PPARGC1A: variants seen among roughly 807,000 people sequenced by gnomAD.
The protein encoded by PPARGC1A is peroxisome proliferator-activated receptor gamma coactivator 1-alpha.
PPARGC1A carries 25 observed loss-of-function variants against 88.7 expected under a neutral mutation model. The ratio of observed to expected loss-of-function variants is 0.28; its 90% CI spans 0.21 to 0.39. The LOEUF is 0.39. Among genes scored for constraint, PPARGC1A ranks in the 10% least tolerant of loss-of-function variants. PPARGC1A has a pLI of 1.00. For synonymous variants in PPARGC1A, 363 were observed against 355.6 expected, an observed-to-expected ratio of 1.02 and a Z score of -0.24; for missense variants, 880 against 968.7, an observed-to-expected ratio of 0.91 and a Z score of 1.22.
At chr4:24,105,741 G>C in the PPARGC1A span, among the ~76,000 whole-genome samples, 1 of 152,188 alleles carries the variant, frequency 6.6e-6, no homozygotes, top group Non-Finnish European at 1.5e-5. Context: ...TGAAAGAAGA[G>C]TGATATCCAA....
At chr4:24,121,760 T>C in the PPARGC1A span, among the ~76,000 whole-genome samples, 1 of 152,178 alleles carries the variant, frequency 6.6e-6, no homozygotes, top group Non-Finnish European at 1.5e-5. Flanking sequence ...GTTTGAAACA[T>C]CATATTTTCA....
intron 2 of PPARGC1A, among the ~76,000 whole-genome samples, chr4:23,852,508 T>C (rs1426397747): frequency 6.6e-6 from 1 of 152,090 alleles, no homozygotes; most frequent in African/African-American, 2.4e-5. Context: ...CTCATTCTCT[T>C]TCCTGCCTAC....
the PPARGC1A span, among the ~76,000 whole-genome samples, chr4:24,242,438 G>A: frequency 6.6e-6 from 1 of 152,126 alleles, no homozygotes; most frequent in Non-Finnish European, 1.5e-5. Context: ...TTTCCTACCT[G>A]GAACACCTTC....
At chr4:23,935,024 G>A in the PPARGC1A span, among the ~76,000 whole-genome samples, 246 of 152,266 alleles carry the variant, frequency 1.6e-3, 2 homozygotes, top group African/African-American at 5.7e-3. Context: ...AACCAAGCTC[G>A]AGGTTCTGCT....
Position 23,848,972 on chromosome 4 carries a change from T to C in PPARGC1A, c.235-17221A>G, listed in dbSNP as rs1013357035. Among the ~76,000 whole-genome samples, 4 of 152,108 alleles carry C rather than the reference T, an allele frequency of 2.6e-5. 1 individual carries two copies. The East Asian group carries it at 7.8e-4, about 30-fold the overall frequency. ...TCCTGGCTAACACGGTGAAACCCCA[T>C]CTCTACTGAAAATACAAAAAATTTA... is the stretch of plus-strand genomic sequence containing the variant. On this transcript the variant is annotated intron_variant, in intron 2 of 12. Coordinates refer to ENST00000264867, the MANE Select transcript of PPARGC1A (RefSeq NM_013261.5).
chr4:24,375,002 AC>A, the PPARGC1A span, among the ~76,000 whole-genome samples: 1 of 124,532 alleles, frequency 8.0e-6, no homozygotes, highest in African/African-American at 3.2e-5. Context: ...ACATCCACCA[AC>A]CCCCCACCCT....
chr4:24,001,465 G>C, the PPARGC1A span, among the ~76,000 whole-genome samples: 1 of 152,022 alleles, frequency 6.6e-6, no homozygotes, highest in Non-Finnish European at 1.5e-5. Flanking sequence ...TTTTTTAAGT[G>C]AGAACGTCTT....
At chr4:24,315,323 G>C in the PPARGC1A span, among the ~76,000 whole-genome samples, 72 of 152,254 alleles carry the variant, frequency 4.7e-4, no homozygotes, top group African/African-American at 1.6e-3. Flanking sequence ...GTGAGGCATG[G>C]GGAAGTCATA....
At chr4:24,245,155 A>G in the PPARGC1A span, among the ~76,000 whole-genome samples, 2 of 152,236 alleles carry the variant, frequency 1.3e-5, no homozygotes, top group African/African-American at 2.4e-5. Context: ...TTGTGTCTTC[A>G]TGAATAACGC....
chr4:24,318,066 G>A, the PPARGC1A span, among the ~76,000 whole-genome samples: 1 of 152,138 alleles, frequency 6.6e-6, no homozygotes, highest in Non-Finnish European at 1.5e-5. Flanking sequence ...TTCTCCACAT[G>A]GGAAGCTAAA....
chr4:24,459,050 T>C, the PPARGC1A span, among the ~76,000 whole-genome samples: 3 of 152,172 alleles, frequency 2.0e-5, no homozygotes, highest in Non-Finnish European at 4.4e-5. Context: ...AACAAAAATA[T>C]ATATCTACAA....
chr4:24,297,154 C>T, the PPARGC1A span, among the ~76,000 whole-genome samples: 1 of 152,164 alleles, frequency 6.6e-6, no homozygotes, highest in Non-Finnish European at 1.5e-5. Context: ...GGTATCAAAT[C>T]AAGGCTTCTA....
At chr4:24,211,820 A>G in the PPARGC1A span, among the ~76,000 whole-genome samples, 1 of 152,242 alleles carries the variant, frequency 6.6e-6, no homozygotes, top group Non-Finnish European at 1.5e-5. Flanking sequence ...AATAATAAGT[A>G]TATGGCTGTA....
chr4:24,437,649 T>G, the PPARGC1A span, among the ~76,000 whole-genome samples: 2 of 150,984 alleles, frequency 1.3e-5, no homozygotes, highest in East Asian at 2.0e-4. Context: ...TTAGTTTTGG[T>G]TTTTTGGGGG....
rs761583243 is a variant in PPARGC1A at position 23,828,470 on chromosome 4, T to A, written c.687A>T (p.Arg229Ser). 1.1e-5 allele frequency: 17 copies of A among 1,614,136 alleles called. No individual in the cohort carries two copies. Among genetic ancestry groups the A allele is most frequent in the Non-Finnish European group, 1.1e-5 (13 of 1,179,988 alleles). ...DPPHTKPTEN[R>S]NSSRDKCTSK... Reference sequence around the variant, plus strand: ...AGGTGCATTTGTCTCTGCTGCTGTTTCTGTTCTCTGTGGGTTTGGTGTGAG... The same window carrying A: ...AGGTGCATTTGTCTCTGCTGCTGTTACTGTTCTCTGTGGGTTTGGTGTGAG... The change falls in exon 5 of 13, where the codon AGA becomes AGT. Residue 229 changes from arginine to serine, a missense_variant. Physicochemically the swap from Arg to Ser is moderately radical, Grantham distance 110. Coordinates refer to ENST00000264867, the MANE Select transcript of PPARGC1A (RefSeq NM_013261.5).
At chr4:24,356,267 G>A in the PPARGC1A span, among the ~76,000 whole-genome samples, 1 of 151,804 alleles carries the variant, frequency 6.6e-6, no homozygotes, top group East Asian at 1.9e-4. Flanking sequence ...GAATTGCACA[G>A]GGGAAGCTAC....
the PPARGC1A span, among the ~76,000 whole-genome samples, chr4:24,355,921 G>A: frequency 6.6e-6 from 1 of 152,182 alleles, no homozygotes; most frequent in African/African-American, 2.4e-5. Context: ...TTACGGCGGG[G>A]CACGATGGCT....
chr4:24,468,543 T>C, the PPARGC1A span, among the ~76,000 whole-genome samples: 1 of 152,166 alleles, frequency 6.6e-6, no homozygotes, highest in Non-Finnish European at 1.5e-5. Flanking sequence ...TTTTAAATGG[T>C]AACAGATGTA....
At chr4:24,147,283 G>T in the PPARGC1A span, among the ~76,000 whole-genome samples, 1 of 152,146 alleles carries the variant, frequency 6.6e-6, no homozygotes, top group African/African-American at 2.4e-5. Context: ...CCGGAAGGTC[G>T]GGTTGATCAA....
Sources: gnomAD v4.1 joint callset for allele counts (sites outside exome capture counted in the v4.1 genomes callset) on GRCh38, gnomAD v4.1.1 for gene constraint, MANE v1.5 for transcripts, NCBI Gene and HGNC (gene_info 2026-07-23, HGNC 2026-07-21) for gene names.